Variants in RGS7 observed in about 807,000 individuals in gnomAD.
RGS7 encodes regulator of G protein signaling 7, also known as regulator of G-protein signaling 7.
Under a neutral mutation model 81.1 loss-of-function variants are expected in RGS7, and 27 were observed. The observed-to-expected ratio is 0.33, with a 90% confidence interval of 0.25 to 0.46. The LOEUF is 0.46. RGS7 is among the 20% of genes least tolerant of loss of function. The probability of loss-of-function intolerance (pLI) is 1.00; values close to 1 mark genes in which losing one functional copy is unlikely to be tolerated. For synonymous variants in RGS7, 208 were observed against 207.7 expected, an observed-to-expected ratio of 1.00 and a Z score of -0.01; for missense variants, 396 against 607.4, an observed-to-expected ratio of 0.65 and a Z score of 3.66.
intron 4 of RGS7, among the ~76,000 whole-genome samples, chr1:240,943,947 T>A (rs1678035755): frequency 6.6e-6 from 1 of 151,694 alleles, no homozygotes; most frequent in South Asian, 2.1e-4. Flanking sequence ...TGCCTAGGAC[T>A]AAAAAAAGAA....
rs73116014 is a variant in RGS7, at chr1:240,845,709, C to T, written c.610-18537G>A. Among the ~76,000 whole-genome samples the T allele has an allele frequency of 5.2e-3, 787 of 152,330 alleles. 11 individuals carry two copies. The highest frequency in any genetic ancestry group is 0.018 in the African/African-American group (755 of 41,574). On this transcript the variant is annotated intron_variant, in intron 9 of 18. Coordinates refer to ENST00000440928, the MANE Select transcript of RGS7 (RefSeq NM_001364886.1). ...AAAAGGCTTTTGCCACCAGAAACTG[C>T]TACACAGGCAATCAATGTTATTGTC...
chr1:240,902,207 G>GA (rs763041208), intron 6 of RGS7, among the ~76,000 whole-genome samples: 9 of 152,032 alleles, frequency 5.9e-5, no homozygotes, highest in Non-Finnish European at 1.3e-4. Flanking sequence ...CAACTATATA[G>GA]AAAAATATGT....
In RGS7 at chr1:241,121,951, G is replaced by A. The variant is rs570871943; in HGVS notation, c.79-23189C>T. Among the ~76,000 whole-genome samples, 11 of 152,034 alleles carry A rather than the reference G, an allele frequency of 7.2e-5. No homozygotes were observed. In the South Asian group the frequency reaches 1.2e-3, roughly 17 times the overall value. On this transcript the variant is annotated intron_variant, in intron 2 of 18. Transcript: ENST00000440928. ...ATTCCCGAGCTTACGCATTTCTCCCGTCTTAGCCTCCCAAAATGCTGGGAT... is the reference window on the plus strand; with the variant it reads ...ATTCCCGAGCTTACGCATTTCTCCCATCTTAGCCTCCCAAAATGCTGGGAT...
chr1:241,131,092 A>AT (rs141149818), intron 2 of RGS7, among the ~76,000 whole-genome samples: 2,030 of 150,376 alleles, frequency 0.013, 56 homozygotes, highest in African/African-American at 0.047. Flanking sequence ...GACATGATTC[A>AT]TTTTTTTTTA....
chr1:241,219,144 T>C (rs574976681), intron 2 of RGS7, among the ~76,000 whole-genome samples: 2 of 152,288 alleles, frequency 1.3e-5, no homozygotes, highest in Admixed American at 6.5e-5. Flanking sequence ...ATAGACATAG[T>C]GATGCGGTTT....
At chr1:240,939,968 T>A (rs1407834031) in intron 4 of RGS7, among the ~76,000 whole-genome samples, 1 of 152,098 alleles carries the variant, frequency 6.6e-6, no homozygotes, top group African/African-American at 2.4e-5. Context: ...TAATCCCAGC[T>A]ACTTGGGAGG....
chr1:241,233,569 A>G (rs1318660778), intron 2 of RGS7, among the ~76,000 whole-genome samples: 2 of 152,196 alleles, frequency 1.3e-5, no homozygotes, highest in African/African-American at 4.8e-5. Flanking sequence ...ACAGGATTTC[A>G]TGCTTTTTTT....
chr1:241,165,362 CAA>C (rs1179574419), intron 2 of RGS7, among the ~76,000 whole-genome samples: 1 of 152,020 alleles, frequency 6.6e-6, no homozygotes, highest in Non-Finnish European at 1.5e-5. Flanking sequence ...TTCACAATAG[CAA>C]AGACTTGGAA....
intron 2 of RGS7, among the ~76,000 whole-genome samples, chr1:241,334,175 G>A (rs2082118252): frequency 6.6e-6 from 1 of 152,098 alleles, no homozygotes; most frequent in Non-Finnish European, 1.5e-5. Context: ...TAATGGACAA[G>A]AAGAGTAAAA....
intron 2 of RGS7, among the ~76,000 whole-genome samples, chr1:241,337,122 T>C (rs535540799): frequency 1.1e-4 from 16 of 152,314 alleles, no homozygotes; most frequent in Admixed American, 4.6e-4. Flanking sequence ...ATTTGTAGCA[T>C]GGAGAGATGA....
intron 9 of RGS7, among the ~76,000 whole-genome samples, chr1:240,860,259 T>G (rs1388246234): frequency 6.6e-6 from 1 of 152,184 alleles, no homozygotes; most frequent in Non-Finnish European, 1.5e-5. Context: ...AGTTCCTTAC[T>G]GATTTTCTGC....
chr1:241,189,197 G>A (rs2103355718), intron 2 of RGS7, among the ~76,000 whole-genome samples: 1 of 152,212 alleles, frequency 6.6e-6, no homozygotes, highest in East Asian at 1.9e-4. Flanking sequence ...CATTGCCCAG[G>A]CTGAACTATT....
At chr1:241,306,522 A>C (rs1480717227) in intron 2 of RGS7, among the ~76,000 whole-genome samples, 1 of 151,674 alleles carries the variant, frequency 6.6e-6, no homozygotes, top group East Asian at 1.9e-4. Flanking sequence ...ATGGCCATGT[A>C]CACACGTCCA....
intron 2 of RGS7, among the ~76,000 whole-genome samples, chr1:241,249,782 C>T (rs2076739462): frequency 6.6e-6 from 1 of 152,082 alleles, no homozygotes; most frequent in South Asian, 2.1e-4. Context: ...CACAAGGATG[C>T]TTCTAGTACT....
chr1:240,957,314 G>T (rs1379786950), intron 4 of RGS7, among the ~76,000 whole-genome samples: 1 of 152,146 alleles, frequency 6.6e-6, no homozygotes, highest in Non-Finnish European at 1.5e-5. Context: ...GCTTTGCCAG[G>T]GGCTCTCAGG....
In RGS7 at chr1:240,938,147, C is replaced by T. The variant is rs1227558477; in HGVS notation, c.227-1441G>A. On this transcript the variant is annotated intron_variant, in intron 4 of 18. Transcript: ENST00000440928. ...CAGGGGATTGGTTTGAGGACCTGCACAGATACCAAACATCAAGGATGCTCA... is the reference window on the plus strand; with the variant it reads ...CAGGGGATTGGTTTGAGGACCTGCATAGATACCAAACATCAAGGATGCTCA... 2.6e-5 allele frequency among the ~76,000 whole-genome samples: 4 copies of T among 152,284 alleles called. No homozygotes were observed. In the East Asian group the frequency reaches 5.8e-4, roughly 22 times the overall value.
At chr1:241,170,360 T>A (rs1341635017) in intron 2 of RGS7, among the ~76,000 whole-genome samples, 1 of 152,168 alleles carries the variant, frequency 6.6e-6, no homozygotes, top group Admixed American at 6.5e-5. Context: ...ATACATATTT[T>A]ACAAGTAAAA....
chr1:241,352,268 C>T (rs558628066), intron 2 of RGS7, among the ~76,000 whole-genome samples: 1 of 152,182 alleles, frequency 6.6e-6, no homozygotes, highest in Non-Finnish European at 1.5e-5. Flanking sequence ...TTAGTTGGGT[C>T]TCTTCTTCCT....
At chr1:241,008,896 A>G (rs557488215) in intron 3 of RGS7, among the ~76,000 whole-genome samples, 15 of 142,672 alleles carry the variant, frequency 1.1e-4, no homozygotes, top group Non-Finnish European at 1.8e-4. Context: ...TGGGCAACAG[A>G]GCAAGACTCT....
Sources: gnomAD v4.1 joint callset for allele counts (sites outside exome capture counted in the v4.1 genomes callset) on GRCh38, gnomAD v4.1.1 for gene constraint, MANE v1.5 for transcripts, NCBI Gene and HGNC (gene_info 2026-07-23, HGNC 2026-07-21) for gene names.